Variants in FNBP1L observed in about 807,000 individuals in gnomAD.
FNBP1L encodes formin binding protein 1 like, also known as formin-binding protein 1-like.
A neutral mutation model predicts 91.2 loss-of-function variants in FNBP1L; 36 were observed. The ratio of observed to expected loss-of-function variants is 0.39; its 90% CI spans 0.30 to 0.52. The LOEUF is 0.52. Among genes scored for constraint, FNBP1L ranks in the 20% least tolerant of loss-of-function variants. The probability of loss-of-function intolerance (pLI) is 0.66; values close to 1 mark genes in which losing one functional copy is unlikely to be tolerated. For synonymous variants in FNBP1L, 242 were observed against 237.0 expected (o/e 1.02, Z -0.19); for missense variants, 571 against 732.1 (o/e 0.78, Z 2.54).
intron 6 of FNBP1L, 104 bp from the exon 7 acceptor site, chr1:93,530,651 G>C (rs998004463): frequency 1.7e-6 from 2 of 1,188,076 alleles, no homozygotes; most frequent in African/African-American, 1.6e-5. Context: ...TTGATGTCAG[G>C]TGTTGGCTTC....
Position 93,499,521 on chromosome 1 carries a change from A to G in FNBP1L, c.78A>G (p.Glu26=), listed in dbSNP as rs1557793694. The G allele has an allele frequency of 1.2e-6, 2 of 1,606,552 alleles. No individual in the cohort carries two copies. The highest frequency in any genetic ancestry group is 4.5e-5 in the East Asian group (2 of 44,776). Residue 26 remains glutamate, a synonymous_variant, in exon 2 of 17, where the codon GAA becomes GAG. Transcript: ENST00000271234. ...KHTQWGIDFL[E]RYAKFVKERI... ...CACAATGGGGAATTGACTTCTTGGAAAGATATGCCAAATTTGTTAAAGAGA... is the reference window on the plus strand; with the variant it reads ...CACAATGGGGAATTGACTTCTTGGAGAGATATGCCAAATTTGTTAAAGAGA...
intron 16 of FNBP1L, 90 bp from the exon 17 acceptor site, chr1:93,552,319 T>C: frequency 6.6e-7 from 1 of 1,521,676 alleles, no homozygotes; most frequent in Non-Finnish European, 8.8e-7. Context: ...GATAGAGACA[T>C]TTGGGACAGG....
In FNBP1L at chr1:93,552,926, G is replaced by A. The variant is rs749983478; in HGVS notation, c.*510G>A. On this transcript the variant is annotated 3_prime_UTR_variant, in exon 17 of 17. Coordinates refer to ENST00000271234, the MANE Select transcript of FNBP1L (RefSeq NM_001164473.3). ...CATGTCTTTAGATTCCCTTGTTCTT[G>A]TCAAAGCCTTGTTTTGTTTTACATT... is the stretch of plus-strand genomic sequence containing the variant. 39 of 152,720 alleles carry A rather than the reference G, an allele frequency of 2.6e-4. No individual in the cohort carries two copies. Among genetic ancestry groups the A allele is most frequent in the Non-Finnish European group, 5.1e-4 (35 of 68,474 alleles). 9.5% of individuals were successfully genotyped at this position (152,720 alleles called of 1,614,324 possible). A position where few individuals can be genotyped will look rare whatever the true frequency, so the allele number is the denominator to read the frequency against.
At chr1:93,453,308 G>A (rs1332258645) in intron 1 of FNBP1L, among the ~76,000 whole-genome samples, 12 of 152,136 alleles carry the variant, frequency 7.9e-5, no homozygotes, top group Non-Finnish European at 1.8e-4. Context: ...ATTCCATAAT[G>A]ACTATAATAA....
intron 2 of FNBP1L, among the ~76,000 whole-genome samples, chr1:93,519,534 A>G (rs777945772): frequency 6.6e-6 from 1 of 152,130 alleles, no homozygotes; most frequent in Non-Finnish European, 1.5e-5. Flanking sequence ...TATATATTTG[A>G]TTTCTCTAGA....
chr1:93,513,596 G>C (rs1161568122), intron 2 of FNBP1L, among the ~76,000 whole-genome samples: 1 of 151,390 alleles, frequency 6.6e-6, no homozygotes, highest in Non-Finnish European at 1.5e-5. Context: ...TCATCCCTGG[G>C]ATGCAAGGCT....
At chr1:93,467,409 C>T (rs375864698) in intron 1 of FNBP1L, among the ~76,000 whole-genome samples, 1 of 152,164 alleles carries the variant, frequency 6.6e-6, no homozygotes, top group African/African-American at 2.4e-5. Context: ...TGTACAACTC[C>T]GTTTACATGA....
Position 93,474,653 on chromosome 1 carries a change from T to C in FNBP1L, c.25-24815T>C, listed in dbSNP as rs1446801244. 8.5e-5 allele frequency among the ~76,000 whole-genome samples: 13 copies of C among 152,112 alleles called. No homozygotes were observed. In the South Asian group the frequency reaches 1.0e-3, roughly 12 times the overall value. Reference sequence around the variant, plus strand: ...GTCTGGAGAGTATATATTTTAAAAATCCTACCCAGGTTATTTTGTCAATCA... The same window carrying C: ...GTCTGGAGAGTATATATTTTAAAAACCCTACCCAGGTTATTTTGTCAATCA... On this transcript the variant is annotated intron_variant, in intron 1 of 16. Transcript: ENST00000271234.
At position 93,530,949 on chromosome 1, in the gene FNBP1L, G is replaced by A. The variant is rs1237363124; in HGVS notation, c.639+66G>A. 7.0e-6 allele frequency: 9 copies of A among 1,280,484 alleles called. No individual in the cohort carries two copies. The Admixed American group carries it at 2.2e-4, about 31-fold the overall frequency. 79.3% of individuals were successfully genotyped at this position (1,280,484 alleles called of 1,614,324 possible). A position where few individuals can be genotyped will look rare whatever the true frequency, so the allele number is the denominator to read the frequency against. ...TGGTGTTTAAATATAAAACTTGTAA[G>A]TCTTAGACATCAGAATCTTTCTAGA... On this transcript the variant is annotated intron_variant, in intron 7 of 16. Transcript: ENST00000271234.
At chr1:93,452,502 T>C (rs1419518863) in intron 1 of FNBP1L, among the ~76,000 whole-genome samples, 1 of 152,236 alleles carries the variant, frequency 6.6e-6, no homozygotes, top group East Asian at 1.9e-4. Flanking sequence ...TGTGACTGCC[T>C]AAATAATTGG....
At chr1:93,526,215 G>A (rs1016491712) in intron 5 of FNBP1L, among the ~76,000 whole-genome samples, 3 of 152,250 alleles carry the variant, frequency 2.0e-5, no homozygotes, top group South Asian at 2.1e-4. Context: ...GAGATGCGAG[G>A]TCCATCAGTT....
intron 2 of FNBP1L, among the ~76,000 whole-genome samples, chr1:93,505,259 G>C (rs576576253): frequency 1.3e-3 from 201 of 151,970 alleles, no homozygotes; most frequent in Non-Finnish European, 2.6e-3. Flanking sequence ...AATAGCACTT[G>C]AACATAAATT....
At chr1:93,514,552 A>G (rs1670999321) in intron 2 of FNBP1L, among the ~76,000 whole-genome samples, 1 of 152,204 alleles carries the variant, frequency 6.6e-6, no homozygotes, top group East Asian at 1.9e-4. Flanking sequence ...ACAGCATGGT[A>G]CTGGTACCAA....
At position 93,554,580 on chromosome 1, in the gene FNBP1L, A is replaced by G. The variant is rs1672515415; in HGVS notation, c.*2164A>G. 6.6e-6 allele frequency: 1 copy of G among 152,572 alleles called. No homozygotes were observed. Among genetic ancestry groups the G allele is most frequent in the African/African-American group, 2.4e-5 (1 of 41,434 alleles). 9.5% of individuals were successfully genotyped at this position (152,572 alleles called of 1,614,324 possible). A position where few individuals can be genotyped will look rare whatever the true frequency, so the allele number is the denominator to read the frequency against. ...TTTTTGTGCACATGTTGATTTCTTA[A>G]TGGTAAATCCTTCATTTAAAGATAG... On this transcript the variant is annotated 3_prime_UTR_variant, in exon 17 of 17. Coordinates refer to ENST00000271234, the MANE Select transcript of FNBP1L (RefSeq NM_001164473.3).
chr1:93,545,258 A>G (rs237424), intron 12 of FNBP1L, among the ~76,000 whole-genome samples: 5,267 of 152,226 alleles, frequency 0.035, 276 homozygotes, highest in African/African-American at 0.12. Context: ...AAAATATGAG[A>G]AACATTGCAC....
intron 1 of FNBP1L, among the ~76,000 whole-genome samples, chr1:93,461,394 T>A (rs1247518776): frequency 6.6e-6 from 1 of 152,134 alleles, no homozygotes; most frequent in Non-Finnish European, 1.5e-5. Context: ...AAATAGCTTG[T>A]CTTATGTAAC....
intron 1 of FNBP1L, among the ~76,000 whole-genome samples, chr1:93,494,991 G>C: frequency 6.7e-6 from 1 of 150,326 alleles, no homozygotes; most frequent in East Asian, 1.9e-4. Context: ...TACCTCCCGT[G>C]AAGTCCATCC....
intron 10 of FNBP1L, among the ~76,000 whole-genome samples, chr1:93,539,466 T>C (rs1671953670): frequency 6.6e-6 from 1 of 151,966 alleles, no homozygotes; most frequent in African/African-American, 2.4e-5. Flanking sequence ...CCAAATCTAA[T>C]TATCAAATTT....
chr1:93,508,652 T>G (rs1670713907), intron 2 of FNBP1L, among the ~76,000 whole-genome samples: 1 of 152,158 alleles, frequency 6.6e-6, no homozygotes, highest in South Asian at 2.1e-4. Flanking sequence ...TCCCCTTACC[T>G]CTTGTGTTAC....
Sources: gnomAD v4.1 joint callset for allele counts (sites outside exome capture counted in the v4.1 genomes callset) on GRCh38, gnomAD v4.1.1 for gene constraint, MANE v1.5 for transcripts, NCBI Gene and HGNC (gene_info 2026-07-23, HGNC 2026-07-21) for gene names.